The following IL12RB2 variants were observed in gnomAD, a reference collection of about 807,000 sequenced individuals.
IL12RB2 encodes the protein interleukin-12 receptor subunit beta-2.
A neutral mutation model predicts 89.4 loss-of-function variants in IL12RB2; 82 were observed. The observed-to-expected ratio is 0.92, with a 90% CI of 0.77 to 1.10. IL12RB2 has a LOEUF of 1.10. Ranked by LOEUF, IL12RB2 falls within the 50% of genes least tolerant of loss-of-function variation. IL12RB2 has a pLI of 0.00. For missense variants in IL12RB2, 963 were observed against 1,031.9 expected, an observed-to-expected ratio of 0.93 and a Z score of 0.92; for synonymous variants, 368 against 370.1, an observed-to-expected ratio of 0.99 and a Z score of 0.07.
intron 11 of IL12RB2, among the ~76,000 whole-genome samples, chr1:67,369,625 T>C (rs1570099198): frequency 6.6e-6 from 1 of 152,340 alleles, no homozygotes; most frequent in Admixed American, 6.5e-5. Flanking sequence ...AACATTATTA[T>C]AAGCTGTATT....
chr1:67,390,010 C>G lies in IL12RB2; in HGVS notation c.1947-19C>G, dbSNP rs746900424. On this transcript the variant is annotated intron_variant, in intron 15 of 16. Transcript: ENST00000674203. ...TGTGTGCACACCTAAGGAAATGTCA[C>G]TGTTTTCTTTATCTATAGGGTGTTT... The G allele has an allele frequency of 4.1e-6, 4 of 973,852 alleles. No homozygotes were observed. The highest frequency in any genetic ancestry group is 5.0e-6 in the Non-Finnish European group (3 of 594,646). The allele number at this position is 973,852 out of a possible 1,614,324, so 60.3% of individuals were successfully genotyped here.
intron 15 of IL12RB2, 128 bp downstream of exon 15, chr1:67,386,797 A>G (rs1345370965): frequency 1.1e-5 from 8 of 723,180 alleles, no homozygotes; most frequent in Non-Finnish European, 2.0e-5. Flanking sequence ...TTATTTAACC[A>G]CTTTGGGTGA....
At chr1:67,334,980 G>T (rs1443008136) in intron 8 of IL12RB2, among the ~76,000 whole-genome samples, 1 of 152,178 alleles carries the variant, frequency 6.6e-6, no homozygotes, top group African/African-American at 2.4e-5. Flanking sequence ...ATTTATATCA[G>T]ACACTTTCAC....
intron 16 of IL12RB2, 73 bp from the exon 17 acceptor site, chr1:67,395,474 G>A (rs1040135774): frequency 6.2e-7 from 1 of 1,612,828 alleles, no homozygotes; most frequent in Non-Finnish European, 8.5e-7. Flanking sequence ...GAGGCCTTTG[G>A]GAACCCTGGA....
At chr1:67,390,008 C>T in intron 15 of IL12RB2, 21 bp from the exon 16 acceptor site, 1 of 954,482 alleles carries the variant, frequency 1.0e-6, no homozygotes, top group Non-Finnish European at 1.7e-6. Flanking sequence ...AAGGAAATGT[C>T]ACTGTTTTCT....
chr1:67,333,784 C>G (rs1299068239), intron 8 of IL12RB2, among the ~76,000 whole-genome samples: 1 of 152,142 alleles, frequency 6.6e-6, no homozygotes, highest in Non-Finnish European at 1.5e-5. Flanking sequence ...CTCAAGGTGT[C>G]CAGACATGCC....
At chr1:67,323,528 G>C (rs1461213479) in intron 4 of IL12RB2, among the ~76,000 whole-genome samples, 7 of 152,206 alleles carry the variant, frequency 4.6e-5, no homozygotes, top group Non-Finnish European at 4.4e-5. Flanking sequence ...GCACATGGGA[G>C]GCATTCAGGT....
chr1:67,396,156 G>T lies in IL12RB2; in HGVS notation c.*67G>T. ...AGCACAGCCTGCCCCAATTCCCCCA[G>T]CCCCTGCTCCAGCAGCTGTCATCTC... On this transcript the variant is annotated 3_prime_UTR_variant, in exon 17 of 17. Transcript: ENST00000674203. The T allele has an allele frequency of 1.1e-6, 1 of 950,036 alleles. No individual in the cohort carries two copies. Among genetic ancestry groups the T allele is most frequent in the South Asian group, 1.3e-5 (1 of 77,826 alleles). The allele number at this position is 950,036 out of a possible 1,614,324, so 58.9% of individuals were successfully genotyped here.
At chr1:67,329,517 A>C (rs1211509376) in intron 6 of IL12RB2, 70 bp from the exon 7 acceptor site, 1 of 900,582 alleles carries the variant, frequency 1.1e-6, no homozygotes, top group Non-Finnish European at 1.9e-6. Flanking sequence ...TTTATAGCTC[A>C]TGCCAGTACA....
chr1:67,373,891 G>A (rs1408674886), intron 13 of IL12RB2, among the ~76,000 whole-genome samples: 4 of 152,194 alleles, frequency 2.6e-5, no homozygotes, highest in Non-Finnish European at 5.9e-5. Flanking sequence ...GAAGCTTTAT[G>A]AGTTGGTCTT....
intron 11 of IL12RB2, among the ~76,000 whole-genome samples, chr1:67,369,767 C>T (rs898047971): frequency 5.3e-5 from 8 of 151,980 alleles, no homozygotes; most frequent in Non-Finnish European, 1.2e-4. Context: ...AGGCTGGGCG[C>T]GGTGGCTCAC....
rs991705193 is a variant in IL12RB2 at position 67,381,269 on chromosome 1, G to A, written c.1855+1146G>A. Among the ~76,000 whole-genome samples, 6 of 152,182 alleles carry A rather than the reference G, an allele frequency of 3.9e-5. No homozygotes were observed. In the South Asian group the frequency reaches 8.3e-4, roughly 21 times the overall value. The stretch of plus-strand genomic sequence containing the variant: ...GATGAATAAGTGACCCAGCTAGCAT[G>A]GGCTTCCCTCCACCAGCTAAGTTAC... On this transcript the variant is annotated intron_variant, in intron 14 of 16. Coordinates refer to ENST00000674203, the MANE Select transcript of IL12RB2 (RefSeq NM_001374259.2).
At chr1:67,385,507 T>C (rs7515614) in intron 14 of IL12RB2, among the ~76,000 whole-genome samples, 71,101 of 152,096 alleles carry the variant, frequency 0.47, 18,795 homozygotes, top group Non-Finnish European at 0.58. Context: ...ACCATGGCAT[T>C]ATGGCTTATT....
At chr1:67,351,168 AG>A in intron 10 of IL12RB2, 79 bp downstream of exon 10, 1 of 1,568,512 alleles carries the variant, frequency 6.4e-7, no homozygotes, top group Non-Finnish European at 8.6e-7. Context: ...GGCCCAACCC[AG>A]GACCTAAAAT....
chr1:67,319,543 A>G (rs1656219870), intron 2 of IL12RB2, among the ~76,000 whole-genome samples: 1 of 152,228 alleles, frequency 6.6e-6, no homozygotes, highest in African/African-American at 2.4e-5. Flanking sequence ...TACTGATTCC[A>G]GAATCACTTG....
In IL12RB2 at chr1:67,320,445, G is replaced by T. The variant is rs1292686164; in HGVS notation, c.76+1G>T. 10 of 1,613,644 alleles carry T rather than the reference G, an allele frequency of 6.2e-6. No homozygotes were observed. The highest frequency in any genetic ancestry group is 8.5e-6 in the Non-Finnish European group (10 of 1,179,848). ...TGGCTGTTGATTAAAGCAAAAATAG[G>T]TAAGATATTTCTGTAAGTTACTCTG... is the stretch of plus-strand genomic sequence containing the variant. On this transcript the variant is annotated splice_donor_variant, in intron 3 of 16. Coordinates refer to ENST00000674203, the MANE Select transcript of IL12RB2 (RefSeq NM_001374259.2). LOFTEE classifies it high-confidence loss of function.
intron 8 of IL12RB2, among the ~76,000 whole-genome samples, chr1:67,337,978 A>T (rs1337107274): frequency 6.6e-6 from 1 of 150,418 alleles, no homozygotes; most frequent in Non-Finnish European, 1.5e-5. Flanking sequence ...GCTCTGTCTT[A>T]TGGTGCTAAA....
chr1:67,396,601 T>C lies in IL12RB2; in HGVS notation c.*512T>C, dbSNP rs1236285510. The C allele has an allele frequency of 5.7e-6, 1 of 174,800 alleles. No homozygotes were observed. Among genetic ancestry groups the C allele is most frequent in the African/African-American group, 2.4e-5 (1 of 42,180 alleles). The allele number at this position is 174,800 out of a possible 1,614,324, so 10.8% of individuals were successfully genotyped here. A position where few individuals can be genotyped will look rare whatever the true frequency, so the allele number is the denominator to read the frequency against. On this transcript the variant is annotated 3_prime_UTR_variant, in exon 17 of 17. Transcript: ENST00000674203. ...CTAGGCACATTGGCTGTTAATCACT[T>C]GGAATGTGTTTAGCTTGACTGAGGA...
rs1247887290 is a variant in IL12RB2 at position 67,369,302 on chromosome 1, G to A, written c.1459+1277G>A. ...TTCTAGATGGGCATGGGAATGGGAC[G>A]GCTTGACGGCTGTTGCTGGTTTTGA... On this transcript the variant is annotated intron_variant, in intron 11 of 16. Transcript: ENST00000674203. Among the ~76,000 whole-genome samples the A allele has an allele frequency of 3.9e-5, 6 of 152,188 alleles. No homozygotes were observed. The South Asian group carries it at 6.2e-4, about 16-fold the overall frequency.
Sources: allele counts gnomAD v4.1 joint callset (sites outside exome capture counted in the v4.1 genomes callset), GRCh38; gene constraint gnomAD v4.1.1; transcripts MANE v1.5; gene names NCBI Gene and HGNC (gene_info 2026-07-23, HGNC 2026-07-21).